LRRC70: variants seen among roughly 807,000 people sequenced by gnomAD.
LRRC70 encodes the protein leucine-rich repeat-containing protein 70.
A neutral mutation model predicts 42.4 loss-of-function variants in LRRC70; 31 were observed. That is an observed-to-expected ratio of 0.73 (90% CI 0.55 to 0.99). The LOEUF (loss-of-function observed/expected upper bound fraction) is 0.99, where lower values mean the gene tolerates loss of function less well. Among genes scored for constraint, LRRC70 ranks in the 50% least tolerant of loss-of-function variants. LRRC70 has a pLI of 0.00. For synonymous variants in LRRC70, 270 were observed against 262.9 expected (o/e 1.03, Z -0.26); for missense variants, 643 against 707.5 (o/e 0.91, Z 1.03).
Position 62,580,273 on chromosome 5 carries a change from A to G in LRRC70, c.835A>G (p.Lys279Glu). Residue 279 changes from lysine to glutamate, a missense_variant, in exon 2 of 2, where the codon AAA (lysine) becomes GAA (glutamate). Transcript: ENST00000334994. ...TGGGTTTAGTGGAATTAATAATCTTAAACATTTGATCTTAAGTCATAATGA... is the reference window on the plus strand; with the variant it reads ...TGGGTTTAGTGGAATTAATAATCTTGAACATTTGATCTTAAGTCATAATGA... ...RDGFSGINNL[K>E]HLILSHNDLE... The G allele has an allele frequency of 1.9e-6, 3 of 1,541,674 alleles. No homozygotes were observed. The highest frequency in any genetic ancestry group is 2.6e-6 in the Non-Finnish European group (3 of 1,138,132).
intron 1 of LRRC70, 51 bp from the exon 2 acceptor site, chr5:62,579,350 T>A (rs1744450613): frequency 1.7e-6 from 2 of 1,186,596 alleles, no homozygotes; most frequent in Non-Finnish European, 1.2e-6. Flanking sequence ...ATAAAAAAAA[T>A]TCATTTGATG....
In LRRC70 at chr5:62,580,935, CAG is replaced by C. The variant is rs1744532034; in HGVS notation, c.1498_1499del (p.Ser500CysfsTer5). 10 of 1,551,170 alleles carry C rather than the reference CAG, an allele frequency of 6.4e-6. No individual in the cohort carries two copies. The highest frequency in any genetic ancestry group is 7.8e-6 in the Non-Finnish European group (9 of 1,146,810). Reference sequence around the variant, plus strand: ...CTGTTACCTTGAACTTGGAAAAAAACAGTGCTCTACCGAATGATGCTGCTTCA... The same window carrying C: ...CTGTTACCTTGAACTTGGAAAAAAACTGCTCTACCGAATGATGCTGCTTCA... ...TSVTLNLEKN[S>X]ALPNDAASMS... On this transcript the variant is annotated frameshift_variant, in exon 2 of 2. Transcript: ENST00000334994. LOFTEE classifies it high-confidence loss of function.
chr5:62,580,302 A>G lies in LRRC70; in HGVS notation c.864A>G (p.Leu288=). 1 of 1,538,502 alleles carries G rather than the reference A, an allele frequency of 6.5e-7. No individual in the cohort carries two copies. Among genetic ancestry groups the G allele is most frequent in the Non-Finnish European group, 8.8e-7 (1 of 1,135,156 alleles). ...LKHLILSHND[L]ENLNSDTFSL... ...ATTTGATCTTAAGTCATAATGATTT[A>G]GAGAATTTAAATTCTGACACATTCA... Residue 288 remains leucine (L), a synonymous_variant, in exon 2 of 2, where the codon TTA becomes TTG. Coordinates refer to ENST00000334994, the MANE Select transcript of LRRC70 (RefSeq NM_181506.5).
rs1744473123 is a variant in LRRC70, at chr5:62,579,781, C to T, written c.343C>T (p.Leu115=). Residue 115 remains leucine (L), a synonymous_variant, in exon 2 of 2, where the codon CTA becomes TTA. Transcript: ENST00000334994. ...ATTGAGGCATCTATATTTTCTATTT[C>T]TAAATAATAATTTCATCAAACGCTT... ...VQLRHLYFLF[L]NNNFIKRLDP... The T allele has an allele frequency of 6.5e-7, 1 of 1,542,700 alleles. No homozygotes were observed. The highest frequency in any genetic ancestry group is 8.8e-7 in the Non-Finnish European group (1 of 1,141,316).
In LRRC70 at chr5:62,579,671, G is replaced by A. The variant is rs1248634500; in HGVS notation, c.233G>A (p.Ser78Asn). The change falls in exon 2 of 2, where the codon AGT becomes AAT. Residue 78 changes from serine (S) to asparagine (N), a missense_variant. Transcript: ENST00000334994. ...AATAATATATCTTATATAAATGAAA[G>A]TGAATTAACAGGACTTCATTCTCTT... ...TGNNISYINE[S>N]ELTGLHSLVA... 1 of 1,546,702 alleles carries A rather than the reference G, an allele frequency of 6.5e-7. No individual in the cohort carries two copies. Among genetic ancestry groups the A allele is most frequent in the Non-Finnish European group, 8.7e-7 (1 of 1,144,704 alleles).
chr5:62,579,437 A>G lies in LRRC70; in HGVS notation c.-2A>G. 6.4e-7 allele frequency: 1 copy of G among 1,550,596 alleles called. No individual in the cohort carries two copies. Among genetic ancestry groups the G allele is most frequent in the Non-Finnish European group, 8.7e-7 (1 of 1,146,238 alleles). On this transcript the variant is annotated 5_prime_UTR_variant, in exon 2 of 2. Coordinates refer to ENST00000334994, the MANE Select transcript of LRRC70 (RefSeq NM_181506.5). ...CTGAACAGAAAATCCAAGAACAGGG[A>G]TATGTGTGGATTACAGTTTTCTCTG...
Position 62,579,681 on chromosome 5 carries a change from A to G in LRRC70, c.243A>G (p.Thr81=), listed in dbSNP as rs1180440996. The change falls in exon 2 of 2, where the codon ACA becomes ACG. Residue 81 remains threonine, a synonymous_variant. Transcript: ENST00000334994. Reference sequence around the variant, plus strand: ...CTTATATAAATGAAAGTGAATTAACAGGACTTCATTCTCTTGTAGCATTGT... The same window carrying G: ...CTTATATAAATGAAAGTGAATTAACGGGACTTCATTCTCTTGTAGCATTGT... ...NISYINESEL[T]GLHSLVALYL... is the part of the protein sequence containing the mutation. The G allele has an allele frequency of 1.9e-6, 3 of 1,547,106 alleles. No individual in the cohort carries two copies. Among genetic ancestry groups the G allele is most frequent in the Non-Finnish European group, 2.6e-6 (3 of 1,144,608 alleles).
In LRRC70 at chr5:62,579,387, T is replaced by A. The variant is rs1269337151; in HGVS notation, c.-38-14T>A. On this transcript the variant is annotated splice_polypyrimidine_tract_variant and intron_variant, in intron 1 of 1. Transcript: ENST00000334994. ...AGTTTTCGTGATTTAAAGCTTTACC[T>A]TCTCTTTTTATAGCCAATTCTGATC... 6.6e-7 allele frequency: 1 copy of A among 1,512,504 alleles called. No individual in the cohort carries two copies. Among genetic ancestry groups the A allele is most frequent in the East Asian group, 2.5e-5 (1 of 40,708 alleles). The allele number at this position is 1,512,504 out of a possible 1,614,324, so 93.7% of individuals were successfully genotyped here. A position where few individuals can be genotyped will look rare whatever the true frequency, so the allele number is the denominator to read the frequency against.
At position 62,581,164 on chromosome 5, in the gene LRRC70, G is replaced by A. The variant is rs1744543741; in HGVS notation, c.1726G>A (p.Ala576Thr). The change falls in exon 2 of 2, where the codon GCA (alanine) becomes ACA (threonine). Residue 576 changes from alanine (A) to threonine (T), a missense_variant. By Grantham distance (58) the Ala-to-Thr change is moderately conservative (BLOSUM62 0). Coordinates refer to ENST00000334994, the MANE Select transcript of LRRC70 (RefSeq NM_181506.5). ...RLEYYSFYQSARYNVTASICN... is the reference protein window; with the variant it reads ...RLEYYSFYQSTRYNVTASICN... ...TGAATACTACAGCTTTTATCAGTCAGCAAGGTATAATGTAACTGCCTCAAT... is the reference window on the plus strand; with the variant it reads ...TGAATACTACAGCTTTTATCAGTCAACAAGGTATAATGTAACTGCCTCAAT... 6.4e-7 allele frequency: 1 copy of A among 1,551,190 alleles called. No individual in the cohort carries two copies. Among genetic ancestry groups the A allele is most frequent in the Admixed American group, 2.0e-5 (1 of 50,950 alleles).
rs780432647 is a variant in LRRC70 at position 62,580,872 on chromosome 5, T to C, written c.1434T>C (p.Thr478=). Residue 478 remains threonine (T), a synonymous_variant, in exon 2 of 2, where the codon ACT becomes ACC. Transcript: ENST00000334994. The part of the protein sequence containing the change: ...QENAFGNPLE[T]TAVLPVQIQL... ...ATGCCTTTGGTAATCCATTAGAGAC[T>C]ACAGCAGTGTTACCTGTGCAAATAC... 1 of 1,551,434 alleles carries C rather than the reference T, an allele frequency of 6.4e-7. No homozygotes were observed.
At position 62,581,150 on chromosome 5, in the gene LRRC70, GC is replaced by G. The variant is rs1458629362; in HGVS notation, c.1713del (p.Tyr573IlefsTer8). ...NSRENRLEYY[S>X]FYQSARYNVT... is the part of the protein sequence containing the mutation. Reference sequence around the variant, plus strand: ...AGGGAAAATAGACTTGAATACTACAGCTTTTATCAGTCAGCAAGGTATAATG... The same window carrying G: ...AGGGAAAATAGACTTGAATACTACAGTTTTATCAGTCAGCAAGGTATAATG... On this transcript the variant is annotated frameshift_variant, in exon 2 of 2. Transcript: ENST00000334994. LOFTEE classifies it high-confidence loss of function. 6.4e-7 allele frequency: 1 copy of G among 1,550,940 alleles called. No individual in the cohort carries two copies. Among genetic ancestry groups the G allele is most frequent in the Non-Finnish European group, 8.7e-7 (1 of 1,146,698 alleles).
rs1371924071 is a variant in LRRC70, at chr5:62,579,415, A to T, written c.-24A>T. 1 of 1,549,878 alleles carries T rather than the reference A, an allele frequency of 6.5e-7. No individual in the cohort carries two copies. The highest frequency in any genetic ancestry group is 2.0e-5 in the Admixed American group (1 of 50,940). On this transcript the variant is annotated 5_prime_UTR_variant, in exon 2 of 2. Coordinates refer to ENST00000334994, the MANE Select transcript of LRRC70 (RefSeq NM_181506.5). Reference sequence around the variant, plus strand: ...TCTTTTTATAGCCAATTCTGATCTGAACAGAAAATCCAAGAACAGGGATAT... The same window carrying T: ...TCTTTTTATAGCCAATTCTGATCTGTACAGAAAATCCAAGAACAGGGATAT...
Position 62,581,376 on chromosome 5 carries a change from T to A in LRRC70, c.*69T>A. On this transcript the variant is annotated 3_prime_UTR_variant, in exon 2 of 2. Coordinates refer to ENST00000334994, the MANE Select transcript of LRRC70 (RefSeq NM_181506.5). The stretch of plus-strand genomic sequence containing the variant: ...TGATTTAAACTGAAACCTCCTTATA[T>A]AATTATATACTTTAGTTGGAAATAT... The A allele has an allele frequency of 1.8e-6, 2 of 1,136,944 alleles. No homozygotes were observed. Among genetic ancestry groups the A allele is most frequent in the Non-Finnish European group, 2.4e-6 (2 of 826,204 alleles). 70.4% of individuals were successfully genotyped at this position (1,136,944 alleles called of 1,614,324 possible).
chr5:62,580,232 G>C lies in LRRC70; in HGVS notation c.794G>C (p.Arg265Thr). ...CTCCTCCTGAAAAATTCAAGAATTA[G>C]GAATGTTACTAGGGATGGGTTTAGT... is the stretch of plus-strand genomic sequence containing the variant. ...EYLLLKNSRI[R>T]NVTRDGFSGI... Residue 265 changes from arginine (R) to threonine (T), a missense_variant, in exon 2 of 2, where the codon AGG becomes ACG. Arg to Thr is a moderately conservative substitution (Grantham distance 71). Transcript: ENST00000334994. The C allele has an allele frequency of 6.5e-7, 1 of 1,550,014 alleles. No individual in the cohort carries two copies. The highest frequency in any genetic ancestry group is 8.7e-7 in the Non-Finnish European group (1 of 1,145,720).
At position 62,579,655 on chromosome 5, in the gene LRRC70, T is replaced by A. The variant is rs1279086802; in HGVS notation, c.217T>A (p.Ser73Thr). ...TCTGTATCTGACTGGGAATAATATA[T>A]CTTATATAAATGAAAGTGAATTAAC... The part of the protein sequence containing the change: ...VFLYLTGNNI[S>T]YINESELTGL... The change falls in exon 2 of 2, where the codon TCT (serine) becomes ACT (threonine). Residue 73 changes from serine (S) to threonine (T), a missense_variant. Physicochemically the swap from Ser to Thr is moderately conservative, Grantham distance 58 (BLOSUM62 1). Coordinates refer to ENST00000334994, the MANE Select transcript of LRRC70 (RefSeq NM_181506.5). The A allele has an allele frequency of 6.5e-7, 1 of 1,546,768 alleles. No individual in the cohort carries two copies. The highest frequency in any genetic ancestry group is 8.7e-7 in the Non-Finnish European group (1 of 1,144,522).
At position 62,579,849 on chromosome 5, in the gene LRRC70, A is replaced by G. The variant is rs1744476581; in HGVS notation, c.411A>G (p.Leu137=). The change falls in exon 2 of 2, where the codon TTA becomes TTG. Residue 137 remains leucine (L), a synonymous_variant. Coordinates refer to ENST00000334994, the MANE Select transcript of LRRC70 (RefSeq NM_181506.5). ...AGGGACTTTTAAATCTTCGTAATTT[A>G]TATTTACAGTATAATCAGGTATCTT... The part of the protein sequence containing the change: ...IFKGLLNLRN[L]YLQYNQVSFV... The G allele has an allele frequency of 1.3e-6, 2 of 1,548,626 alleles. No homozygotes were observed. Among genetic ancestry groups the G allele is most frequent in the African/African-American group, 1.4e-5 (1 of 72,912 alleles).
rs775000469 is a variant in LRRC70 at position 62,580,573 on chromosome 5, A to G, written c.1135A>G (p.Ile379Val). ...GLRDWLASSAITLNIYCQNPP... is the reference protein window; with the variant it reads ...GLRDWLASSAVTLNIYCQNPP... ...TCGAGACTGGCTAGCATCTTCAGCC[A>G]TTACTCTAAACATCTATTGTCAGAA... The change falls in exon 2 of 2, where the codon ATT (isoleucine) becomes GTT (valine). Residue 379 changes from isoleucine to valine, a missense_variant. By Grantham distance (29) the Ile-to-Val change is conservative (BLOSUM62 3). Transcript: ENST00000334994. 6.4e-7 allele frequency: 1 copy of G among 1,551,360 alleles called. No individual in the cohort carries two copies. The highest frequency in any genetic ancestry group is 2.4e-5 in the East Asian group (1 of 40,926).
rs1019343976 is a variant in LRRC70 at position 62,579,731 on chromosome 5, A to T, written c.293A>T (p.Tyr98Phe). The T allele has an allele frequency of 1.3e-6, 2 of 1,547,846 alleles. No individual in the cohort carries two copies. The highest frequency in any genetic ancestry group is 1.7e-6 in the Non-Finnish European group (2 of 1,145,276). ...ALYLDNSNIL[Y>F]VYPKAFVQLR... ...TATTTGGATAATTCTAACATTCTGT[A>T]TGTATATCCAAAAGCCTTTGTTCAA... The change falls in exon 2 of 2, where the codon TAT (tyrosine) becomes TTT (phenylalanine). Residue 98 changes from tyrosine (Y) to phenylalanine (F), a missense_variant. By Grantham distance (22) the Tyr-to-Phe change is conservative. Coordinates refer to ENST00000334994, the MANE Select transcript of LRRC70 (RefSeq NM_181506.5).
chr5:62,580,628 G>C lies in LRRC70; in HGVS notation c.1190G>C (p.Arg397Pro), dbSNP rs1488768757. 1 of 1,551,412 alleles carries C rather than the reference G, an allele frequency of 6.4e-7. No individual in the cohort carries two copies. Among genetic ancestry groups the C allele is most frequent in the Non-Finnish European group, 8.7e-7 (1 of 1,146,784 alleles). The change falls in exon 2 of 2, where the codon CGT becomes CCT. Residue 397 changes from arginine (R) to proline (P), a missense_variant. By Grantham distance (103) the Arg-to-Pro change is moderately radical. Transcript: ENST00000334994. ...CCATCCATGCGTGGCAGAGCATTACGTTATATTAACATTACAAATTGTGTT... is the reference window on the plus strand; with the variant it reads ...CCATCCATGCGTGGCAGAGCATTACCTTATATTAACATTACAAATTGTGTT... Reference protein sequence around the residue: ...NPPSMRGRALRYINITNCVTS... With the variant: ...NPPSMRGRALPYINITNCVTS...
Sources: gnomAD v4.1 joint callset for allele counts on GRCh38, gnomAD v4.1.1 for gene constraint, MANE v1.5 for transcripts, NCBI Gene and HGNC (gene_info 2026-07-23, HGNC 2026-07-21) for gene names.